RMST: variants seen among roughly 807,000 people sequenced by gnomAD.
RMST encodes the protein long intergenic non-protein coding RNA 54.
At chr12:97,532,098 C>G (rs1345689244) in intron 11 of RMST, among the ~76,000 whole-genome samples, 1 of 151,890 alleles carries the variant, frequency 6.6e-6, no homozygotes, top group African/African-American at 2.4e-5. Flanking sequence ...TTTGACTTAA[C>G]AGATTTCTAG....
intron 10 of RMST, among the ~76,000 whole-genome samples, chr12:97,500,531 T>C (rs987050242): frequency 6.6e-6 from 1 of 152,246 alleles, no homozygotes; most frequent in Non-Finnish European, 1.5e-5. Context: ...ACAGATTTTA[T>C]CCAAGTTATT....
chr12:97,485,205 TAG>T (rs1291328657), intron 5 of RMST, among the ~76,000 whole-genome samples: 1 of 152,210 alleles, frequency 6.6e-6, no homozygotes, highest in Non-Finnish European at 1.5e-5. Context: ...AGTTATACCA[TAG>T]AGTCATTTGC....
chr12:97,498,514 C>T (rs1008184526), intron 10 of RMST, among the ~76,000 whole-genome samples: 1 of 152,094 alleles, frequency 6.6e-6, no homozygotes, highest in South Asian at 2.1e-4. Context: ...TAGCAATGAT[C>T]TTTAATATTG....
chr12:97,528,817 C>G (rs775672788), intron 10 of RMST, among the ~76,000 whole-genome samples: 3 of 152,006 alleles, frequency 2.0e-5, no homozygotes, highest in Non-Finnish European at 4.4e-5. Context: ...TGAGAAACGG[C>G]TATGTGCCAG....
rs139233145 is a variant in RMST at position 97,520,200 on chromosome 12, G to C, written n.1341-10455G>C. Among the ~76,000 whole-genome samples the C allele has an allele frequency of 5.0e-3, 754 of 152,294 alleles. 2 individuals are homozygous for C. Among genetic ancestry groups the C allele is most frequent in the Middle Eastern group, 6.8e-3 (2 of 294 alleles). Reference sequence around the variant, plus strand: ...TAACAATTTAGTACAATAGTGGAACGTCTTTGGCCATCCTGGTCTCCTGTA... The same window carrying C: ...TAACAATTTAGTACAATAGTGGAACCTCTTTGGCCATCCTGGTCTCCTGTA... On this transcript the variant is annotated intron_variant and non_coding_transcript_variant, in intron 10 of 13. Coordinates refer to ENST00000640149, the Ensembl canonical transcript of RMST.
chr12:97,469,885 A>G (rs935074801), intron 5 of RMST, among the ~76,000 whole-genome samples: 1 of 152,110 alleles, frequency 6.6e-6, no homozygotes, highest in Non-Finnish European at 1.5e-5. Flanking sequence ...CCCAGAGCCA[A>G]TAGGATACAA....
chr12:97,478,840 G>C (rs1874864536), intron 5 of RMST, among the ~76,000 whole-genome samples: 1 of 152,128 alleles, frequency 6.6e-6, no homozygotes, highest in African/African-American at 2.4e-5. Flanking sequence ...TTTATTCCAT[G>C]TTTTGCTTGC....
intron 11 of RMST, among the ~76,000 whole-genome samples, chr12:97,556,637 A>G (rs1477692196): frequency 6.6e-6 from 1 of 152,160 alleles, no homozygotes; most frequent in Non-Finnish European, 1.5e-5. Context: ...TTGCCTCTGT[A>G]CTGACTTCTG....
intron 5 of RMST, among the ~76,000 whole-genome samples, chr12:97,475,593 T>TTTG (rs966803216): frequency 6.6e-6 from 1 of 151,584 alleles, no homozygotes; most frequent in African/African-American, 2.4e-5. Context: ...TTTTGTTTTT[T>TTTG]TTTTTTACCA....
At chr12:97,522,316 T>G (rs1880595513) in intron 10 of RMST, among the ~76,000 whole-genome samples, 1 of 152,342 alleles carries the variant, frequency 6.6e-6, no homozygotes, top group African/African-American at 2.4e-5. Context: ...TTCCTAATAG[T>G]AAATAACTGG....
intron 11 of RMST, among the ~76,000 whole-genome samples, chr12:97,556,199 T>C (rs1883695118): frequency 6.6e-6 from 1 of 152,208 alleles, no homozygotes; most frequent in South Asian, 2.1e-4. Flanking sequence ...TCAGTAATCT[T>C]CATTCTGTAA....
At chr12:97,529,198 T>C (rs1334998128) in intron 10 of RMST, among the ~76,000 whole-genome samples, 2 of 152,260 alleles carry the variant, frequency 1.3e-5, no homozygotes, top group Middle Eastern at 3.4e-3. Context: ...CTCTGTAGTT[T>C]CAGGAATCCC....
chr12:97,487,589 C>T (rs1266800958), intron 5 of RMST, among the ~76,000 whole-genome samples: 4 of 152,124 alleles, frequency 2.6e-5, no homozygotes, highest in African/African-American at 9.7e-5. Flanking sequence ...GTAGTAACAG[C>T]TGCAGCTAAT....
chr12:97,561,939 G>A (rs1884142417), intron 13 of RMST, among the ~76,000 whole-genome samples: 1 of 151,944 alleles, frequency 6.6e-6, no homozygotes, highest in Admixed American at 6.6e-5. Flanking sequence ...ATTTTGCCAG[G>A]GAGGAGGGAG....
intron 5 of RMST, among the ~76,000 whole-genome samples, chr12:97,474,436 C>G (rs952991361): frequency 2.0e-5 from 3 of 151,960 alleles, no homozygotes; most frequent in Admixed American, 2.0e-4. Flanking sequence ...CAGGGGACAC[C>G]TTTGAACTCC....
At chr12:97,525,651 A>G (rs1460389732) in intron 10 of RMST, among the ~76,000 whole-genome samples, 1 of 152,190 alleles carries the variant, frequency 6.6e-6, no homozygotes, top group Non-Finnish European at 1.5e-5. Flanking sequence ...TATCCTCCAA[A>G]TACCTCATAA....
At chr12:97,539,301 G>A (rs1941969228) in intron 11 of RMST, among the ~76,000 whole-genome samples, 1 of 151,532 alleles carries the variant, frequency 6.6e-6, no homozygotes, top group South Asian at 2.1e-4. Context: ...TGTGGCTGAA[G>A]GTAGCTTGCT....
At chr12:97,556,257 G>A (rs77902136) in intron 11 of RMST, among the ~76,000 whole-genome samples, 141 of 152,208 alleles carry the variant, frequency 9.3e-4, no homozygotes, top group African/African-American at 3.3e-3. Context: ...GAATATTAAA[G>A]CGGCAAAAAT....
chr12:97,543,264 C>A (rs912372733), intron 11 of RMST, among the ~76,000 whole-genome samples: 1 of 152,020 alleles, frequency 6.6e-6, no homozygotes, highest in Non-Finnish European at 1.5e-5. Context: ...CCGCACCAAG[C>A]CTTTTTGTCA....
Sources: gnomAD v4.1 joint callset for allele counts (sites outside exome capture counted in the v4.1 genomes callset) on GRCh38, gnomAD v4.1.1 for gene constraint, MANE v1.5 for transcripts, NCBI Gene and HGNC (gene_info 2026-07-23, HGNC 2026-07-21) for gene names.